Variants in PRKG1 observed in about 807,000 individuals in gnomAD.
PRKG1 encodes cGMP-dependent protein kinase 1.
Under a neutral mutation model 88.1 loss-of-function variants are expected in PRKG1, and 35 were observed. The ratio of observed to expected loss-of-function variants is 0.40; its 90% CI spans 0.30 to 0.53. The LOEUF (loss-of-function observed/expected upper bound fraction) is 0.53. PRKG1 is among the 20% of genes least tolerant of loss of function. The pLI is 0.59. For synonymous variants in PRKG1, 303 were observed against 292.5 expected (o/e 1.04, Z -0.37); for missense variants, 540 against 839.8 (o/e 0.64, Z 4.41).
chr10:51,835,192 C>A (rs1296732809), intron 4 of PRKG1, among the ~76,000 whole-genome samples: 1 of 152,150 alleles, frequency 6.6e-6, no homozygotes, highest in Non-Finnish European at 1.5e-5. Context: ...CAATAGCTTC[C>A]GAAGTCTCTG....
intron 7 of PRKG1, among the ~76,000 whole-genome samples, chr10:52,118,648 G>T (rs1195867510): frequency 6.6e-6 from 1 of 151,918 alleles, no homozygotes; most frequent in Non-Finnish European, 1.5e-5. Context: ...ACTGTATACA[G>T]AAGTTTGGCT....
At chr10:51,245,465 A>T (rs1839265348) in intron 2 of PRKG1, 1 of 152,052 alleles carries the variant, frequency 6.6e-6, no homozygotes, top group South Asian at 2.1e-4. Flanking sequence ...AGTAATTTAG[A>T]GATGTGCACA....
At chr10:51,464,489 T>C (rs1484263238) in intron 2 of PRKG1, among the ~76,000 whole-genome samples, 1 of 152,174 alleles carries the variant, frequency 6.6e-6, no homozygotes, top group African/African-American at 2.4e-5. Flanking sequence ...CAACCTTTTG[T>C]TACCAGCACT....
At chr10:51,911,927 T>C (rs1023249850) in intron 5 of PRKG1, among the ~76,000 whole-genome samples, 1 of 152,236 alleles carries the variant, frequency 6.6e-6, no homozygotes, top group Non-Finnish European at 1.5e-5. Flanking sequence ...CAAATATTTA[T>C]GGAGCACTTG....
At chr10:51,607,402 G>A (rs1037072845) in intron 3 of PRKG1, among the ~76,000 whole-genome samples, 1 of 152,162 alleles carries the variant, frequency 6.6e-6, no homozygotes, top group Non-Finnish European at 1.5e-5. Flanking sequence ...TAAAACGAGG[G>A]AAAACGTCTG....
chr10:51,594,191 T>TTTTTTAA (rs1361681257), intron 3 of PRKG1, among the ~76,000 whole-genome samples: 1 of 151,842 alleles, frequency 6.6e-6, no homozygotes, highest in African/African-American at 2.4e-5. Flanking sequence ...GCCCATCTAA[T>TTTTTTAA]TTTTTAATTT....
At chr10:51,528,869 T>C (rs1841947614) in intron 3 of PRKG1, among the ~76,000 whole-genome samples, 1 of 152,088 alleles carries the variant, frequency 6.6e-6, no homozygotes, top group South Asian at 2.1e-4. Context: ...GTTCCACATA[T>C]CTTGTCCCCA....
chr10:51,074,560 C>A lies in PRKG1; in HGVS notation c.-31C>A. On this transcript the variant is annotated 5_prime_UTR_variant, in exon 1 of 18. Coordinates refer to ENST00000373980, the MANE Select transcript of PRKG1 (RefSeq NM_006258.4). The stretch of plus-strand genomic sequence containing the variant: ...GAAGCCTCAAGACGCGGAGCAGCGG[C>A]AGGAAGGAGCCCCCGGCAGCCCGGA... 1 of 1,591,298 alleles carries A rather than the reference C, an allele frequency of 6.3e-7. No individual in the cohort carries two copies.
intron 4 of PRKG1, among the ~76,000 whole-genome samples, chr10:51,848,757 T>C (rs919863739): frequency 2.7e-4 from 41 of 152,020 alleles, no homozygotes; most frequent in Non-Finnish European, 5.1e-4. Flanking sequence ...TCTTCCTGAC[T>C]CAGTCTTTCA....
intron 3 of PRKG1, among the ~76,000 whole-genome samples, chr10:51,787,680 C>G (rs1838762822): frequency 6.6e-6 from 1 of 152,122 alleles, no homozygotes; most frequent in South Asian, 2.1e-4. Context: ...GTCTGCCATT[C>G]CCTGCTGAAG....
intron 3 of PRKG1, among the ~76,000 whole-genome samples, chr10:51,495,229 G>C (rs995311607): frequency 6.6e-6 from 1 of 152,072 alleles, no homozygotes; most frequent in Non-Finnish European, 1.5e-5. Flanking sequence ...TGAGTGGCTG[G>C]GACTACAGGC....
chr10:51,110,938 C>T (rs983734811), intron 1 of PRKG1, among the ~76,000 whole-genome samples: 1 of 152,106 alleles, frequency 6.6e-6, no homozygotes, highest in Non-Finnish European at 1.5e-5. Flanking sequence ...CCATAGTCAA[C>T]CCTCTAACTG....
chr10:51,115,983 A>G (rs1216764407), intron 1 of PRKG1, among the ~76,000 whole-genome samples: 1 of 152,192 alleles, frequency 6.6e-6, no homozygotes, highest in Non-Finnish European at 1.5e-5. Context: ...GACCGAGTAC[A>G]TGTATAGGCT....
At chr10:51,387,352 T>C (rs1419577815) in intron 2 of PRKG1, among the ~76,000 whole-genome samples, 1 of 149,064 alleles carries the variant, frequency 6.7e-6, no homozygotes, top group Non-Finnish European at 1.5e-5. Flanking sequence ...AAATATTATA[T>C]ATAAATATAT....
intron 7 of PRKG1, among the ~76,000 whole-genome samples, chr10:52,119,130 C>G (rs187025625): frequency 1.5e-4 from 23 of 152,124 alleles, no homozygotes; most frequent in Middle Eastern, 3.4e-3. Context: ...TATTTTCAGA[C>G]AGTAGATCAC....
chr10:51,581,310 T>C (rs1323858710), intron 3 of PRKG1, among the ~76,000 whole-genome samples: 1 of 152,092 alleles, frequency 6.6e-6, no homozygotes, highest in Non-Finnish European at 1.5e-5. Flanking sequence ...GCAGGAACAG[T>C]TGCAGCAAAA....
At position 51,988,146 on chromosome 10, in the gene PRKG1, G is replaced by A. The variant is rs549224244; in HGVS notation, c.763-66338G>A. Among the ~76,000 whole-genome samples the A allele has an allele frequency of 1.5e-3, 231 of 151,844 alleles. 1 individual carries two copies. Among genetic ancestry groups the A allele is most frequent in the Admixed American group, 5.0e-3 (77 of 15,248 alleles). On this transcript the variant is annotated intron_variant, in intron 5 of 17. Transcript: ENST00000373980. ...ACATTTTTAAACTTTGCATAATATC[G>A]TTATGGGGAATATCATTAAAACAAT...
chr10:51,431,742 A>T (rs973134228), intron 2 of PRKG1, among the ~76,000 whole-genome samples: 3 of 152,200 alleles, frequency 2.0e-5, no homozygotes, highest in South Asian at 2.1e-4. Context: ...ATAAACAAAT[A>T]TGGAACCTAA....
chr10:51,552,619 C>G (rs1026571851), intron 3 of PRKG1, among the ~76,000 whole-genome samples: 3 of 151,528 alleles, frequency 2.0e-5, no homozygotes, highest in Non-Finnish European at 4.4e-5. Flanking sequence ...CAACTCTCCC[C>G]CATTTAATGT....
Sources: allele counts gnomAD v4.1 joint callset (sites outside exome capture counted in the v4.1 genomes callset), GRCh38; gene constraint gnomAD v4.1.1; transcripts MANE v1.5; gene names NCBI Gene and HGNC (gene_info 2026-07-23, HGNC 2026-07-21).